Variants in SLCO1B3 observed in about 807,000 individuals in gnomAD.
The protein encoded by SLCO1B3 is solute carrier organic anion transporter family member 1B3.
In SLCO1B3, 72 loss-of-function variants were observed where a neutral mutation model predicts 71.8. The ratio of observed to expected loss-of-function variants is 1.00; its 90% CI spans 0.83 to 1.22. The LOEUF (loss-of-function observed/expected upper bound fraction) is 1.22. Among genes scored for constraint, SLCO1B3 ranks in the 50% most tolerant of loss-of-function variants. The pLI, the probability that SLCO1B3 is intolerant of heterozygous loss-of-function variation, is 0.00. For missense variants in SLCO1B3, 911 were observed against 819.7 expected (o/e 1.11, Z -1.36); for synonymous variants, 298 against 278.4 (o/e 1.07, Z -0.70).
At chr12:20,867,415 G>A (rs1865393399) in intron 8 of SLCO1B3, among the ~76,000 whole-genome samples, 2 of 151,168 alleles carry the variant, frequency 1.3e-5, no homozygotes, top group African/African-American at 2.4e-5. Context: ...AAATTATGAA[G>A]AGATTGTGGA....
chr12:20,861,023 G>A lies in SLCO1B3; in HGVS notation c.366G>A (p.Arg122=), dbSNP rs749274457. 8.2e-6 allele frequency: 13 copies of A among 1,577,226 alleles called. No homozygotes were observed. In the Middle Eastern group the frequency reaches 5.0e-4, roughly 61 times the overall value. The change falls in exon 6 of 16, where the codon AGG becomes AGA. Residue 122 remains arginine, a synonymous_variant. Transcript: ENST00000381545. ...TTTCATGTTGCTCTTACAGTTATAG[G>A]TATTCTAAAGAAACCCATATTAATC... The part of the protein sequence containing the change: ...SLPHFFMGYY[R]YSKETHINPS...
At chr12:20,859,679 T>C (rs2121242326) in intron 5 of SLCO1B3, among the ~76,000 whole-genome samples, 1 of 152,256 alleles carries the variant, frequency 6.6e-6, no homozygotes, top group South Asian at 2.1e-4. Flanking sequence ...ATCTTATTCT[T>C]CATTATTTTT....
At chr12:20,820,420 C>A (rs1043419015) in intron 3 of SLCO1B3, among the ~76,000 whole-genome samples, 1 of 152,242 alleles carries the variant, frequency 6.6e-6, no homozygotes. Flanking sequence ...GAATCCTGGG[C>A]TGCGGGCATT....
chr12:20,885,273 C>T (rs942625959), intron 13 of SLCO1B3, among the ~76,000 whole-genome samples: 4 of 152,152 alleles, frequency 2.6e-5, no homozygotes, highest in African/African-American at 9.6e-5. Flanking sequence ...CTAATGCTTG[C>T]ATCATAAGGC....
chr12:20,819,107 C>T (rs1355587143), intron 3 of SLCO1B3, among the ~76,000 whole-genome samples: 1 of 152,128 alleles, frequency 6.6e-6, no homozygotes, highest in East Asian at 1.9e-4. Context: ...TGCACGCGGA[C>T]ATGAGGGCTA....
At position 20,859,496 on chromosome 12, in the gene SLCO1B3, T is replaced by G. The variant is rs7313981; in HGVS notation, c.359+925T>G. Among the ~76,000 whole-genome samples, 42 of 147,072 alleles carry G rather than the reference T, an allele frequency of 2.9e-4. 3 individuals are homozygous for G. The South Asian group carries it at 3.8e-3, about 13-fold the overall frequency. ...CATATGAATTCTGTTTTTTTCCCCC[T>G]CTACATTTGGCCCTTATAAGAACTT... is the stretch of plus-strand genomic sequence containing the variant. On this transcript the variant is annotated intron_variant, in intron 5 of 15. Coordinates refer to ENST00000381545, the MANE Select transcript of SLCO1B3 (RefSeq NM_019844.4).
intron 3 of SLCO1B3, among the ~76,000 whole-genome samples, chr12:20,828,881 A>G (rs1405615517): frequency 1.3e-5 from 2 of 152,216 alleles, no homozygotes; most frequent in Non-Finnish European, 2.9e-5. Context: ...ACTGAACTAC[A>G]GCATGGGGTA....
chr12:20,826,704 G>A (rs1246429743), intron 3 of SLCO1B3, among the ~76,000 whole-genome samples: 1 of 151,066 alleles, frequency 6.6e-6, no homozygotes, highest in Non-Finnish European at 1.5e-5. Flanking sequence ...AATCACACAA[G>A]ATTCTTTCTC....
At chr12:20,879,298 T>A in intron 10 of SLCO1B3, 138 bp from the exon 11 acceptor site, 7 of 395,704 alleles carry the variant, frequency 1.8e-5, no homozygotes, top group African/African-American at 2.3e-5. Flanking sequence ...AAGCTCCGCC[T>A]CCCAGGTTCT....
chr12:20,869,327 T>C (rs1003612979), intron 8 of SLCO1B3, among the ~76,000 whole-genome samples: 18 of 152,318 alleles, frequency 1.2e-4, no homozygotes, highest in Admixed American at 3.9e-4. Flanking sequence ...TGTCTTTTGG[T>C]CACTTCTCAC....
At chr12:20,826,896 A>G (rs1483754184) in intron 3 of SLCO1B3, among the ~76,000 whole-genome samples, 4 of 152,128 alleles carry the variant, frequency 2.6e-5, no homozygotes, top group East Asian at 1.9e-4. Context: ...ATGTCTCCCT[A>G]TATTTTTTTA....
intron 15 of SLCO1B3, among the ~76,000 whole-genome samples, chr12:20,913,429 A>G (rs1235662983): frequency 1.3e-5 from 2 of 152,170 alleles, no homozygotes; most frequent in South Asian, 2.1e-4. Flanking sequence ...TTGCAGCTCT[A>G]TCATTTTCTC....
At chr12:20,862,706 A>G in intron 7 of SLCO1B3, 50 bp from the exon 8 acceptor site, 1 of 1,511,218 alleles carries the variant, frequency 6.6e-7, no homozygotes, top group East Asian at 2.3e-5. Context: ...ATGTTAAATG[A>G]AAACCAAGTA....
chr12:20,821,572 T>C (rs911955688), intron 3 of SLCO1B3, among the ~76,000 whole-genome samples: 3 of 152,014 alleles, frequency 2.0e-5, no homozygotes, highest in Non-Finnish European at 4.4e-5. Flanking sequence ...AAATAAGGGA[T>C]TGGGGGTTCT....
chr12:20,829,638 G>T (rs1283231640), intron 3 of SLCO1B3, among the ~76,000 whole-genome samples: 1 of 152,180 alleles, frequency 6.6e-6, no homozygotes, highest in Admixed American at 6.5e-5. Context: ...CTTGGATCTT[G>T]CTCAAGAAGG....
At chr12:20,811,150 C>T (rs1864104172) in intron 1 of SLCO1B3, among the ~76,000 whole-genome samples, 1 of 152,042 alleles carries the variant, frequency 6.6e-6, no homozygotes, top group South Asian at 2.1e-4. Flanking sequence ...CTCCCTATTT[C>T]TTTGATTTCA....
chr12:20,904,689 C>G (rs1340786419), intron 15 of SLCO1B3, among the ~76,000 whole-genome samples: 1 of 149,494 alleles, frequency 6.7e-6, no homozygotes, highest in Non-Finnish European at 1.5e-5. Flanking sequence ...TCTCTCTGTA[C>G]TGCCCTAGTA....
chr12:20,836,858 G>T (rs1864693062), intron 3 of SLCO1B3, among the ~76,000 whole-genome samples: 1 of 152,114 alleles, frequency 6.6e-6, no homozygotes, highest in Non-Finnish European at 1.5e-5. Flanking sequence ...AGCCAGGATG[G>T]TCTCGATCTC....
rs1331764930 is a variant in SLCO1B3 at position 20,877,108 on chromosome 12, GGCGTGA to G, written c.971-661_971-656del. On this transcript the variant is annotated intron_variant, in intron 9 of 15. Coordinates refer to ENST00000381545, the MANE Select transcript of SLCO1B3 (RefSeq NM_019844.4). ...GGCCTCCCAAAGTGCTGGGATTACA[GGCGTGA>G]GCCACCATGCCCAGCCAATTAATGG... Among the ~76,000 whole-genome samples the G allele has an allele frequency of 6.6e-5, 10 of 152,136 alleles. No individual in the cohort carries two copies. In the South Asian group the frequency reaches 2.1e-3, roughly 31 times the overall value.
Sources: allele counts gnomAD v4.1 joint callset (sites outside exome capture counted in the v4.1 genomes callset), GRCh38; gene constraint gnomAD v4.1.1; transcripts MANE v1.5; gene names NCBI Gene and HGNC (gene_info 2026-07-23, HGNC 2026-07-21).